CSMD2: variants seen among roughly 807,000 people sequenced by gnomAD.
CSMD2 encodes the protein CUB and sushi domain-containing protein 2.
Under a neutral mutation model 398.5 loss-of-function variants are expected in CSMD2, and 130 were observed. The observed-to-expected ratio is 0.33, with a 90% CI of 0.28 to 0.38. CSMD2 has a LOEUF of 0.38. Among genes scored for constraint, CSMD2 ranks in the 10% least tolerant of loss-of-function variants. CSMD2 has a pLI of 1.00. For missense variants in CSMD2, 3,829 were observed against 4,764.9 expected (o/e 0.80, Z 5.78); for synonymous variants, 1,828 against 1,908.5 (o/e 0.96, Z 1.10).
chr1:34,012,263 C>T (rs1647452516), intron 3 of CSMD2, among the ~76,000 whole-genome samples: 1 of 152,166 alleles, frequency 6.6e-6, no homozygotes, highest in African/African-American at 2.4e-5. Flanking sequence ...ACTCTTCTCC[C>T]AGGCTTCAGT....
chr1:33,735,446 C>G (rs947263773), intron 15 of CSMD2, among the ~76,000 whole-genome samples: 2 of 152,072 alleles, frequency 1.3e-5, no homozygotes, highest in African/African-American at 2.4e-5. Flanking sequence ...CTTCACTACC[C>G]GGAAGTCTTT....
chr1:33,840,134 G>A (rs1338093235), intron 6 of CSMD2: 1 of 152,206 alleles, frequency 6.6e-6, no homozygotes, highest in African/African-American at 2.4e-5. Flanking sequence ...GGAGTAGCAT[G>A]TTCTAGTTCC....
intron 1 of CSMD2, among the ~76,000 whole-genome samples, chr1:34,090,710 T>A (rs770712935): frequency 6.6e-6 from 1 of 152,140 alleles, no homozygotes; most frequent in South Asian, 2.1e-4. Context: ...CCGTATTAAC[T>A]CCTAACTGGT....
intron 10 of CSMD2, among the ~76,000 whole-genome samples, chr1:33,808,200 C>T (rs1195983985): frequency 6.6e-6 from 1 of 152,030 alleles, no homozygotes; most frequent in African/African-American, 2.4e-5. Flanking sequence ...ATATTCCTCC[C>T]TCTGCCGTTG....
intron 48 of CSMD2, 25 bp from the exon 49 acceptor site, chr1:33,577,509 G>A: frequency 1.9e-6 from 3 of 1,582,060 alleles, no homozygotes; most frequent in African/African-American, 1.3e-5. Context: ...GAGGTTCAGG[G>A]AACTGGCACC....
In CSMD2 at chr1:34,032,601, G is replaced by C. The variant is rs747838003; in HGVS notation, c.510C>G (p.Thr170=). ...YAVSAQGFHA[T]YEVLPSHTCG... is the part of the protein sequence containing the mutation. The stretch of plus-strand genomic sequence containing the variant: ...GATGAGGGAGGCACTTACCTTCATA[G>C]GTGGCGTGGAAGCCTTGGGCACTGA... Residue 170 remains threonine, a synonymous_variant, in exon 3 of 71, where the codon ACC becomes ACG. Coordinates refer to ENST00000373381, the MANE Select transcript of CSMD2 (RefSeq NM_001281956.2). 3 of 1,585,066 alleles carry C rather than the reference G, an allele frequency of 1.9e-6. No homozygotes were observed. Among genetic ancestry groups the C allele is most frequent in the Non-Finnish European group, 2.6e-6 (3 of 1,165,564 alleles).
chr1:34,159,624 C>T (rs919629524), intron 1 of CSMD2, among the ~76,000 whole-genome samples: 2 of 152,248 alleles, frequency 1.3e-5, no homozygotes, highest in African/African-American at 4.8e-5. Flanking sequence ...GTTATGTGTC[C>T]TCTCTGAACC....
At chr1:33,672,418 G>A (rs1644535868) in intron 25 of CSMD2, among the ~76,000 whole-genome samples, 2 of 152,242 alleles carry the variant, frequency 1.3e-5, no homozygotes, top group South Asian at 4.1e-4. Context: ...CTGGGGGAGG[G>A]GCGCCTGCCA....
intron 3 of CSMD2, among the ~76,000 whole-genome samples, chr1:34,023,982 A>G (rs1001432580): frequency 6.6e-6 from 1 of 152,324 alleles, no homozygotes; most frequent in Admixed American, 6.5e-5. Context: ...TCCTCATTAC[A>G]ACCTATTAAA....
intron 2 of CSMD2, among the ~76,000 whole-genome samples, chr1:34,077,736 CAAAAAAAAAAAA>C (rs59532141): frequency 1.6e-4 from 6 of 38,348 alleles, no homozygotes; most frequent in Non-Finnish European, 2.2e-4. Flanking sequence ...GACTCCATCT[CAAAAAAAAAAAA>C]AAAAAAAAAA....
chr1:34,063,712 G>C lies in CSMD2; in HGVS notation c.404+25265C>G, dbSNP rs144317363. On this transcript the variant is annotated intron_variant, in intron 2 of 70. Coordinates refer to ENST00000373381, the MANE Select transcript of CSMD2 (RefSeq NM_001281956.2). ...AAGCTGTTGGTGGATCTACCATTCT[G>C]GGGTCTGGAAGATGGTGGCCCTCTT... 7.2e-3 allele frequency among the ~76,000 whole-genome samples: 1,089 copies of C among 152,286 alleles called. 14 individuals carry two copies. The highest frequency in any genetic ancestry group is 0.053 in the East Asian group (272 of 5,162).
chr1:33,997,482 C>A (rs180780371), intron 3 of CSMD2, among the ~76,000 whole-genome samples: 17 of 152,282 alleles, frequency 1.1e-4, no homozygotes, highest in African/African-American at 3.6e-4. Flanking sequence ...CGCATCCCAG[C>A]TCATTTGCAT....
At chr1:33,876,827 C>A (rs1240979614) in intron 5 of CSMD2, among the ~76,000 whole-genome samples, 1 of 152,162 alleles carries the variant, frequency 6.6e-6, no homozygotes, top group Non-Finnish European at 1.5e-5. Context: ...AGGCCCCAGA[C>A]TTTTGCTTGT....
At chr1:33,596,853 TCA>T (rs1360965601) in intron 44 of CSMD2, among the ~76,000 whole-genome samples, 1 of 152,218 alleles carries the variant, frequency 6.6e-6, no homozygotes, top group East Asian at 1.9e-4. Flanking sequence ...TTGTCCCATC[TCA>T]CAGCTTTAGG....
intron 6 of CSMD2, among the ~76,000 whole-genome samples, chr1:33,845,479 A>T (rs921365943): frequency 6.6e-6 from 1 of 152,178 alleles, no homozygotes; most frequent in Admixed American, 6.5e-5. Flanking sequence ...AAAACTGACA[A>T]ATGGGCCCTC....
Position 34,087,348 on chromosome 1 carries a change from A to C in CSMD2, c.404+1629T>G, listed in dbSNP as rs554607550. ...GACATGGATGAAGCTGGAAACCATC[A>C]TCCTCAGCAAACTAACACAGGAACA... On this transcript the variant is annotated intron_variant, in intron 2 of 70. Transcript: ENST00000373381. 5.9e-5 allele frequency among the ~76,000 whole-genome samples: 9 copies of C among 152,124 alleles called. No individual in the cohort carries two copies. In the East Asian group the frequency reaches 1.6e-3, roughly 26 times the overall value.
At chr1:33,807,298 C>T (rs1382279077) in intron 10 of CSMD2, among the ~76,000 whole-genome samples, 3 of 152,178 alleles carry the variant, frequency 2.0e-5, no homozygotes, top group Non-Finnish European at 2.9e-5. Flanking sequence ...ACATTAGGTT[C>T]TATGCTTACA....
intron 60 of CSMD2, among the ~76,000 whole-genome samples, chr1:33,538,277 C>G (rs570103670): frequency 3.2e-4 from 48 of 152,266 alleles, no homozygotes; most frequent in African/African-American, 1.1e-3. Context: ...ATCCACAGCT[C>G]TTGATGGGTA....
intron 10 of CSMD2, among the ~76,000 whole-genome samples, chr1:33,796,745 G>C (rs889278711): frequency 2.0e-5 from 3 of 152,358 alleles, no homozygotes; most frequent in East Asian, 1.9e-4. Flanking sequence ...GGGCAGAATA[G>C]AGCCATATTT....
Sources: allele counts gnomAD v4.1 joint callset (sites outside exome capture counted in the v4.1 genomes callset), GRCh38; gene constraint gnomAD v4.1.1; transcripts MANE v1.5; gene names NCBI Gene and HGNC (gene_info 2026-07-23, HGNC 2026-07-21).